TENT4B: variants seen among roughly 807,000 people sequenced by gnomAD.
TENT4B encodes the protein terminal nucleotidyltransferase 4B, also known as PAP associated domain containing 5.
TENT4B carries 10 observed loss-of-function variants against 75.0 expected under a neutral mutation model. The ratio of observed to expected loss-of-function variants is 0.13; its 90% CI spans 0.08 to 0.23. TENT4B has a LOEUF of 0.23. Ranked by LOEUF, TENT4B falls within the 10% of genes least tolerant of loss-of-function variation. The pLI is 1.00. For synonymous variants in TENT4B, 350 were observed against 357.7 expected (o/e 0.98, Z 0.24); for missense variants, 579 against 893.8 (o/e 0.65, Z 4.49).
At chr16:50,211,274 C>T in intron 1 of TENT4B, 49 bp from the exon 2 acceptor site, 3 of 1,519,172 alleles carry the variant, frequency 2.0e-6, no homozygotes, top group Non-Finnish European at 2.6e-6. Context: ...ATAGTGATTT[C>T]TCATTAGATT....
chr16:50,221,142 T>C (rs922552126), intron 5 of TENT4B, among the ~76,000 whole-genome samples: 1 of 151,920 alleles, frequency 6.6e-6, no homozygotes, highest in African/African-American at 2.4e-5. Flanking sequence ...AAAAATTAGC[T>C]GGGCATGGTG....
Position 50,211,307 on chromosome 16 carries a change from C to A in TENT4B, c.639-16C>A. On this transcript the variant is annotated splice_polypyrimidine_tract_variant and intron_variant, in intron 1 of 11. Coordinates refer to ENST00000561678, the MANE Select transcript of TENT4B (RefSeq NM_001365324.3). ...ATTGGCCCTGTTCATATTAACTTTT[C>A]TGTTTTTTTCTTCAGTCTGCATGAA... The A allele has an allele frequency of 6.2e-7, 1 of 1,600,304 alleles. No individual in the cohort carries two copies. Among genetic ancestry groups the A allele is most frequent in the Non-Finnish European group, 8.5e-7 (1 of 1,175,360 alleles).
At chr16:50,179,903 T>C (rs9937670) in intron 1 of TENT4B, among the ~76,000 whole-genome samples, 2,871 of 152,228 alleles carry the variant, frequency 0.019, 95 homozygotes, top group African/African-American at 0.067. Context: ...TCTTCTGCCA[T>C]ACCGTTGGGT....
At position 50,234,118 on chromosome 16, in the gene TENT4B, G is replaced by A; in HGVS notation, c.*4790G>A. ...ATGTTATTTATCTTAAAGATGCCTA[G>A]AAACAAAACGCATATAGTACCAGTG... On this transcript the variant is annotated 3_prime_UTR_variant, in exon 12 of 12. Transcript: ENST00000561678. 11 of 985,448 alleles carry A rather than the reference G, an allele frequency of 1.1e-5. No individual in the cohort carries two copies. Among genetic ancestry groups the A allele is most frequent in the Non-Finnish European group, 1.3e-5 (11 of 829,952 alleles). 61.0% of individuals were successfully genotyped at this position (985,448 alleles called of 1,614,324 possible).
intron 5 of TENT4B, 123 bp from the exon 6 acceptor site, chr16:50,222,183 A>G: frequency 1.1e-6 from 1 of 884,204 alleles, no homozygotes; most frequent in Non-Finnish European, 1.7e-6. Flanking sequence ...CTTAAAATAG[A>G]AAATTAAGTA....
rs1177320562 is a variant in TENT4B, at chr16:50,153,307, T to C, written c.-315T>C. ...CCGCTGCCGCCGCCGCCGCTCGCTC[T>C]TCTGTGGAGCCGCCGCCGCCGCCGC... is the stretch of plus-strand genomic sequence containing the variant. On this transcript the variant is annotated 5_prime_UTR_variant, in exon 1 of 12. Coordinates refer to ENST00000561678, the MANE Select transcript of TENT4B (RefSeq NM_001365324.3). Among the ~76,000 whole-genome samples, 11 of 143,770 alleles carry C rather than the reference T, an allele frequency of 7.7e-5. No homozygotes were observed. The highest frequency in any genetic ancestry group is 1.5e-4 in the Non-Finnish European group (10 of 65,166). 94.3% of individuals were successfully genotyped at this position (143,770 alleles called of 152,430 possible).
intron 1 of TENT4B, among the ~76,000 whole-genome samples, chr16:50,194,148 T>G (rs1251064491): frequency 6.6e-6 from 1 of 152,170 alleles, no homozygotes; most frequent in African/African-American, 2.4e-5. Flanking sequence ...TTTCATAAAT[T>G]TTTTTCTCTT....
chr16:50,198,843 A>T (rs2030452349), intron 1 of TENT4B, among the ~76,000 whole-genome samples: 2 of 152,248 alleles, frequency 1.3e-5, no homozygotes, highest in African/African-American at 4.8e-5. Context: ...ATAGCCATAG[A>T]TCTGAAAGAA....
chr16:50,231,782 G>A lies in TENT4B; in HGVS notation c.*2454G>A. On this transcript the variant is annotated 3_prime_UTR_variant, in exon 12 of 12. Coordinates refer to ENST00000561678, the MANE Select transcript of TENT4B (RefSeq NM_001365324.3). Reference sequence around the variant, plus strand: ...CTGTGTATCTTGCAGTGAACAGTGTGGAAGCTGTTCATTTTTCAATCTGAA... The same window carrying A: ...CTGTGTATCTTGCAGTGAACAGTGTAGAAGCTGTTCATTTTTCAATCTGAA... 1.0e-6 allele frequency: 1 copy of A among 985,506 alleles called. No homozygotes were observed. Among genetic ancestry groups the A allele is most frequent in the Non-Finnish European group, 1.2e-6 (1 of 829,646 alleles). The allele number at this position is 985,506 out of a possible 1,614,324, so 61.0% of individuals were successfully genotyped here.
At chr16:50,188,250 A>G (rs2038573242) in intron 1 of TENT4B, among the ~76,000 whole-genome samples, 1 of 152,190 alleles carries the variant, frequency 6.6e-6, no homozygotes, top group Non-Finnish European at 1.5e-5. Context: ...AGGCTTTGGC[A>G]ATGGCTTCTG....
chr16:50,234,982 A>G lies in TENT4B; in HGVS notation c.*5654A>G, dbSNP rs2032404004. ...CTGTGAGGTGCTGGAGGTTTGAATCATCTTGAAAACTTTCCAATCTTGTCT... is the reference window on the plus strand; with the variant it reads ...CTGTGAGGTGCTGGAGGTTTGAATCGTCTTGAAAACTTTCCAATCTTGTCT... On this transcript the variant is annotated 3_prime_UTR_variant, in exon 12 of 12. Transcript: ENST00000561678. 2.0e-6 allele frequency: 2 copies of G among 985,774 alleles called. No homozygotes were observed. Among genetic ancestry groups the G allele is most frequent in the Non-Finnish European group, 2.4e-6 (2 of 829,950 alleles). 61.1% of individuals were successfully genotyped at this position (985,774 alleles called of 1,614,324 possible). A position where few individuals can be genotyped will look rare whatever the true frequency, so the allele number is the denominator to read the frequency against.
chr16:50,176,150 G>T (rs2038304242), intron 1 of TENT4B, among the ~76,000 whole-genome samples: 1 of 149,152 alleles, frequency 6.7e-6, no homozygotes, highest in Non-Finnish European at 1.5e-5. Context: ...GCAGTGGCAT[G>T]ATCACAGCTC....
chr16:50,173,230 C>T (rs2038240035), intron 1 of TENT4B, among the ~76,000 whole-genome samples: 2 of 152,202 alleles, frequency 1.3e-5, no homozygotes, highest in Admixed American at 6.5e-5. Flanking sequence ...AGGCGTGAGC[C>T]ACCCTGCCCT....
chr16:50,175,192 T>A (rs1292810923), intron 1 of TENT4B, among the ~76,000 whole-genome samples: 1 of 152,218 alleles, frequency 6.6e-6, no homozygotes, highest in Non-Finnish European at 1.5e-5. Context: ...AATAAGTCTT[T>A]TATTAGATAC....
chr16:50,188,795 G>A (rs2038584678), intron 1 of TENT4B, among the ~76,000 whole-genome samples: 1 of 152,192 alleles, frequency 6.6e-6, no homozygotes, highest in Admixed American at 6.5e-5. Flanking sequence ...GAGGGCTGTA[G>A]TGAGCTGTGA....
Position 50,191,683 on chromosome 16 carries a change from G to C in TENT4B, c.639-19640G>C, listed in dbSNP as rs949972434. On this transcript the variant is annotated intron_variant, in intron 1 of 11. Transcript: ENST00000561678. ...GCCTGTAATCCCAGCACTTTGGGAG[G>C]CCGAGGCGGGCAGATCACCTGAGGT... is the stretch of plus-strand genomic sequence containing the variant. Among the ~76,000 whole-genome samples the C allele has an allele frequency of 2.0e-5, 3 of 152,302 alleles. No homozygotes were observed. The South Asian group carries it at 6.2e-4, about 32-fold the overall frequency.
intron 5 of TENT4B, 65 bp from the exon 6 acceptor site, chr16:50,222,241 C>T: frequency 2.8e-6 from 4 of 1,413,828 alleles, no homozygotes; most frequent in Non-Finnish European, 3.8e-6. Flanking sequence ...CAATTTATGC[C>T]CCTCTTAATG....
intron 1 of TENT4B, among the ~76,000 whole-genome samples, chr16:50,203,997 G>A (rs184631099): frequency 6.6e-6 from 1 of 152,334 alleles, no homozygotes; most frequent in Admixed American, 6.5e-5. Context: ...TTTGAGCTGA[G>A]TGAGAAGGTG....
At chr16:50,181,294 C>G (rs1456002865) in intron 1 of TENT4B, among the ~76,000 whole-genome samples, 1 of 151,100 alleles carries the variant, frequency 6.6e-6, no homozygotes, top group Non-Finnish European at 1.5e-5. Context: ...CTTTATCAGT[C>G]TGATTCAAGC....
Sources: allele counts gnomAD v4.1 joint callset (sites outside exome capture counted in the v4.1 genomes callset), GRCh38; gene constraint gnomAD v4.1.1; transcripts MANE v1.5; gene names NCBI Gene and HGNC (gene_info 2026-07-23, HGNC 2026-07-21).